Variants in ARHGEF33 observed in about 807,000 individuals in gnomAD.
ARHGEF33 encodes the protein Rho guanine nucleotide exchange factor 33.
ARHGEF33 carries 72 observed loss-of-function variants against 101.9 expected under a neutral mutation model. That is an observed-to-expected ratio of 0.71 (90% CI 0.58 to 0.86). The LOEUF (loss-of-function observed/expected upper bound fraction) is 0.86, where lower values mean the gene tolerates loss of function less well. ARHGEF33 is among the 40% of genes least tolerant of loss of function. The pLI is 0.00. For missense variants in ARHGEF33, 1,169 were observed against 1,111.3 expected, an observed-to-expected ratio of 1.05 and a Z score of -0.74; for synonymous variants, 499 against 442.5, an observed-to-expected ratio of 1.13 and a Z score of -1.60.
chr2:38,916,359 T>C (rs1346106170), intron 2 of ARHGEF33, among the ~76,000 whole-genome samples: 1 of 152,226 alleles, frequency 6.6e-6, no homozygotes, highest in Admixed American at 6.5e-5. Context: ...TCTCATGTGC[T>C]TCTTTTACAA....
At chr2:38,908,778 C>A (rs1666448725) in intron 2 of ARHGEF33, among the ~76,000 whole-genome samples, 1 of 152,146 alleles carries the variant, frequency 6.6e-6, no homozygotes, top group African/African-American at 2.4e-5. Context: ...ACTAGGAGAG[C>A]CTGCTCTTTC....
Position 38,929,793 on chromosome 2 carries a change from C to T in ARHGEF33, c.325C>T (p.Gln109Ter). The change falls in exon 6 of 18, where the codon CAG becomes TAG. Residue 109 changes from glutamine to a stop codon, truncating the protein, a stop_gained. Transcript: ENST00000409978. LOFTEE classifies it high-confidence loss of function. ...GCAACAGAAAATCGAGCAGCTTCAA[C>T]AGGAGAAGCGAAGAGAATCTCGAAA... ...EMQQKIEQLQQEKRRESRKVK... is the reference protein window; with the variant it reads ...EMQQKIEQLQ 1.3e-6 allele frequency: 2 copies of T among 1,551,578 alleles called. No individual in the cohort carries two copies. Among genetic ancestry groups the T allele is most frequent in the Non-Finnish European group, 1.7e-6 (2 of 1,146,788 alleles).
intron 16 of ARHGEF33, among the ~76,000 whole-genome samples, 189 bp from the exon 17 acceptor site, chr2:38,965,817 G>A (rs1337471452): frequency 6.6e-6 from 1 of 152,126 alleles, no homozygotes; most frequent in African/African-American, 2.4e-5. Context: ...ACACTCAGCA[G>A]GAAATTATCC....
At chr2:38,916,013 A>T (rs1020149189) in intron 2 of ARHGEF33, among the ~76,000 whole-genome samples, 2 of 152,102 alleles carry the variant, frequency 1.3e-5, no homozygotes, top group Non-Finnish European at 1.5e-5. Flanking sequence ...GAAGAGCAAG[A>T]CTCTGTCTCT....
chr2:38,967,900 G>A lies in ARHGEF33; in HGVS notation c.2483+1755G>A, dbSNP rs1363903375. On this transcript the variant is annotated intron_variant, in intron 17 of 17. Coordinates refer to ENST00000409978, the MANE Select transcript of ARHGEF33 (RefSeq NM_001145451.5). ...CGGCCAGACTCCTGAATCCTTCTAA[G>A]GACTGCAAAATCCTAAGGGCACAGC... Among the ~76,000 whole-genome samples the A allele has an allele frequency of 1.3e-5, 2 of 148,632 alleles. 1 individual carries two copies. The highest frequency in any genetic ancestry group is 4.0e-4 in the East Asian group (2 of 5,054).
At chr2:38,919,498 T>TA (rs1248128264) in intron 3 of ARHGEF33, 26 bp downstream of exon 3, 11 of 1,551,262 alleles carry the variant, frequency 7.1e-6, no homozygotes, top group African/African-American at 2.7e-5. Flanking sequence ...TGTCTTGCTT[T>TA]AGGACTTAGG....
intron 2 of ARHGEF33, among the ~76,000 whole-genome samples, chr2:38,898,564 C>T (rs1039446768): frequency 1.4e-4 from 21 of 152,154 alleles, no homozygotes; most frequent in African/African-American, 4.1e-4. Context: ...ATATTAAGCA[C>T]GTATTGCTTT....
intron 10 of ARHGEF33, among the ~76,000 whole-genome samples, chr2:38,944,593 C>T (rs1222918035): frequency 2.0e-5 from 3 of 152,108 alleles, no homozygotes; most frequent in Non-Finnish European, 4.4e-5. Flanking sequence ...AGATTTTCAT[C>T]AATGTAAGAA....
chr2:38,891,365 C>G (rs1665992355), intron 1 of ARHGEF33, among the ~76,000 whole-genome samples: 1 of 152,110 alleles, frequency 6.6e-6, no homozygotes, highest in African/African-American at 2.4e-5. Flanking sequence ...CTTCCTCCTT[C>G]CCTTCCTCTC....
intron 2 of ARHGEF33, among the ~76,000 whole-genome samples, chr2:38,896,496 A>G (rs911539732): frequency 1.3e-5 from 2 of 152,194 alleles, no homozygotes; most frequent in South Asian, 2.1e-4. Flanking sequence ...AAAAATAGAC[A>G]ACATCTACTT....
At position 38,951,122 on chromosome 2, in the gene ARHGEF33, G is replaced by T. The variant is rs984005205; in HGVS notation, c.1053+1G>T. On this transcript the variant is annotated splice_donor_variant, in intron 11 of 17. Coordinates refer to ENST00000409978, the MANE Select transcript of ARHGEF33 (RefSeq NM_001145451.5). LOFTEE classifies it high-confidence loss of function. ...ATTCCTTAAGTTAACAAATGACGAG[G>T]TAAGGTTTTTTCTGCCCCTCTATAC... 1.9e-6 allele frequency: 3 copies of T among 1,551,310 alleles called. No individual in the cohort carries two copies. The highest frequency in any genetic ancestry group is 2.6e-6 in the Non-Finnish European group (3 of 1,146,840).
chr2:38,895,573 A>G (rs1666102464), intron 1 of ARHGEF33, among the ~76,000 whole-genome samples: 1 of 152,192 alleles, frequency 6.6e-6, no homozygotes, highest in East Asian at 1.9e-4. Flanking sequence ...CTCAATACCA[A>G]GTGACTTAAA....
At chr2:38,902,634 G>A (rs542833036) in intron 2 of ARHGEF33, among the ~76,000 whole-genome samples, 143 of 152,126 alleles carry the variant, frequency 9.4e-4, no homozygotes, top group Non-Finnish European at 1.6e-3. Flanking sequence ...GTTTTGTTTC[G>A]TTTGGTCCTT....
chr2:38,933,027 T>C (rs1460040125), intron 7 of ARHGEF33, among the ~76,000 whole-genome samples: 1 of 152,222 alleles, frequency 6.6e-6, no homozygotes, highest in Non-Finnish European at 1.5e-5. Flanking sequence ...CCACTGTTGA[T>C]AAAATGGTAC....
chr2:38,919,499 A>G (rs906461608), intron 3 of ARHGEF33, 27 bp downstream of exon 3: 1 of 1,551,452 alleles, frequency 6.4e-7, no homozygotes, highest in Non-Finnish European at 8.7e-7. Context: ...GTCTTGCTTT[A>G]GGACTTAGGA....
chr2:38,972,348 G>A (rs1042279715), intron 17 of ARHGEF33, among the ~76,000 whole-genome samples: 5 of 152,102 alleles, frequency 3.3e-5, no homozygotes, highest in East Asian at 1.9e-4. Context: ...GGGAGAACTC[G>A]GGGGGGTTCC....
At chr2:38,934,950 C>A (rs1195988036) in intron 7 of ARHGEF33, among the ~76,000 whole-genome samples, 1 of 151,450 alleles carries the variant, frequency 6.6e-6, no homozygotes, top group Non-Finnish European at 1.5e-5. Flanking sequence ...CAGCCAGTGT[C>A]AGGGTCCCGT....
intron 2 of ARHGEF33, among the ~76,000 whole-genome samples, chr2:38,897,071 G>A (rs1026377074): frequency 4.6e-5 from 7 of 151,968 alleles, no homozygotes; most frequent in African/African-American, 7.3e-5. Context: ...GCACACCACC[G>A]CACCCAGCTA....
At chr2:38,940,851 G>A (rs1667289123) in intron 9 of ARHGEF33, among the ~76,000 whole-genome samples, 1 of 152,112 alleles carries the variant, frequency 6.6e-6, no homozygotes, top group South Asian at 2.1e-4. Context: ...TAATTTGGTG[G>A]GCAGGGGGTT....
Sources: allele counts gnomAD v4.1 joint callset (sites outside exome capture counted in the v4.1 genomes callset), GRCh38; gene constraint gnomAD v4.1.1; transcripts MANE v1.5; gene names NCBI Gene and HGNC (gene_info 2026-07-23, HGNC 2026-07-21).